Variants in PTPRC observed in about 807,000 individuals in gnomAD.
The protein encoded by PTPRC is protein tyrosine phosphatase receptor type C, also known as receptor-type tyrosine-protein phosphatase C.
PTPRC carries 44 observed loss-of-function variants against 155.9 expected under a neutral mutation model. The observed-to-expected ratio is 0.28, with a 90% CI of 0.22 to 0.36. The LOEUF (loss-of-function observed/expected upper bound fraction) is 0.36. Among genes scored for constraint, PTPRC ranks in the 10% least tolerant of loss-of-function variants. The pLI, the probability that PTPRC is intolerant of heterozygous loss-of-function variation, is 1.00. For synonymous variants in PTPRC, 525 were observed against 533.1 expected (o/e 0.98, Z 0.21); for missense variants, 1,401 against 1,564.6 (o/e 0.90, Z 1.76).
At chr1:198,749,068 C>T (rs551358520) in intron 27 of PTPRC, among the ~76,000 whole-genome samples, 87 of 151,538 alleles carry the variant, frequency 5.7e-4, no homozygotes, top group African/African-American at 8.7e-4. Flanking sequence ...AAAAAATCTA[C>T]GCTATGTATT....
At position 198,726,112 on chromosome 1, in the gene PTPRC, T is replaced by C. The variant is rs114103230; in HGVS notation, c.1721-2228T>C. On this transcript the variant is annotated intron_variant, in intron 15 of 32. Transcript: ENST00000442510. Reference sequence around the variant, plus strand: ...TGCTTAATATTTTTGTAGAACTTAATCTAATTATTATGGATTGGAATGCTA... The same window carrying C: ...TGCTTAATATTTTTGTAGAACTTAACCTAATTATTATGGATTGGAATGCTA... 2.6e-3 allele frequency among the ~76,000 whole-genome samples: 396 copies of C among 152,342 alleles called. 2 individuals are homozygous for C. Among genetic ancestry groups the C allele is most frequent in the Middle Eastern group, 6.8e-3 (2 of 294 alleles).
rs751337024 is a variant in PTPRC, at chr1:198,732,280, G to A, written c.1975-20G>A. The A allele has an allele frequency of 6.3e-7, 1 of 1,591,786 alleles. No individual in the cohort carries two copies. The highest frequency in any genetic ancestry group is 1.1e-5 in the South Asian group (1 of 90,530). The stretch of plus-strand genomic sequence containing the variant: ...TTTTCCTGAATCTGCTGTGATCCAA[G>A]AAATCGTTGTTTCTTTCAGAGCATC... On this transcript the variant is annotated intron_variant, in intron 18 of 32. Coordinates refer to ENST00000442510, the MANE Select transcript of PTPRC (RefSeq NM_002838.5).
At chr1:198,749,102 T>A (rs1378683809) in intron 27 of PTPRC, among the ~76,000 whole-genome samples, 2 of 151,702 alleles carry the variant, frequency 1.3e-5, no homozygotes, top group African/African-American at 2.4e-5. Context: ...TCAAGCAGAA[T>A]TATAATAGTC....
intron 11 of PTPRC, among the ~76,000 whole-genome samples, chr1:198,712,257 T>C (rs1212275072): frequency 1.3e-5 from 2 of 152,244 alleles, no homozygotes; most frequent in Non-Finnish European, 2.9e-5. Context: ...GTTTGTTTCA[T>C]TTTATTTACA....
intron 26 of PTPRC, among the ~76,000 whole-genome samples, chr1:198,745,910 G>A (rs569553924): frequency 5.1e-4 from 77 of 151,860 alleles, no homozygotes; most frequent in Non-Finnish European, 8.7e-4. Context: ...GAACATATCA[G>A]AATAAATGAC....
At chr1:198,644,527 A>G (rs114564388) in intron 2 of PTPRC, among the ~76,000 whole-genome samples, 101 of 152,028 alleles carry the variant, frequency 6.6e-4, no homozygotes, top group African/African-American at 2.3e-3. Flanking sequence ...TCCTGTTTGT[A>G]TGTCAGTGTG....
intron 2 of PTPRC, among the ~76,000 whole-genome samples, chr1:198,689,665 A>G (rs1339908262): frequency 6.6e-6 from 1 of 152,162 alleles, no homozygotes; most frequent in Non-Finnish European, 1.5e-5. Context: ...TAAAGCTGTT[A>G]TCATCAGATC....
chr1:198,713,837 CTG>C (rs1019693801), intron 12 of PTPRC, among the ~76,000 whole-genome samples: 17 of 152,164 alleles, frequency 1.1e-4, no homozygotes, highest in Admixed American at 2.0e-4. Flanking sequence ...TTCTGTCACT[CTG>C]TGCTGTGGGG....
Position 198,713,890 on chromosome 1 carries a change from G to T in PTPRC, c.1291+818G>T, listed in dbSNP as rs1653435025. On this transcript the variant is annotated intron_variant, in intron 12 of 32. Transcript: ENST00000442510. The stretch of plus-strand genomic sequence containing the variant: ...CACTTCAAAACTTGAAAAGTGAAAG[G>T]CTATTTTTCTTCATTATGTTATTTT... Among the ~76,000 whole-genome samples the T allele has an allele frequency of 2.6e-5, 4 of 152,180 alleles. No homozygotes were observed. The South Asian group carries it at 8.3e-4, about 32-fold the overall frequency.
chr1:198,753,686 A>ATTGT (rs1365709246), intron 31 of PTPRC, among the ~76,000 whole-genome samples: 1 of 152,028 alleles, frequency 6.6e-6, no homozygotes, highest in African/African-American at 2.4e-5. Context: ...CTGATAACAT[A>ATTGT]TTGTTTAAAT....
chr1:198,755,785 G>GTACTT, intron 32 of PTPRC, 121 bp from the exon 33 acceptor site: 1 of 1,081,546 alleles, frequency 9.2e-7, no homozygotes, highest in Non-Finnish European at 1.4e-6. Context: ...ATATCAAAAA[G>GTACTT]TACTTTTCTG....
chr1:198,698,528 G>C (rs1271275568), intron 4 of PTPRC, among the ~76,000 whole-genome samples: 1 of 151,810 alleles, frequency 6.6e-6, no homozygotes, highest in East Asian at 1.9e-4. Context: ...CCTTTAATCT[G>C]CATTTCTAAG....
intron 2 of PTPRC, among the ~76,000 whole-genome samples, chr1:198,687,311 T>C (rs936418344): frequency 6.6e-6 from 1 of 152,168 alleles, no homozygotes; most frequent in Non-Finnish European, 1.5e-5. Flanking sequence ...AGGTCTTTTT[T>C]TTCTATCAGT....
intron 3 of PTPRC, chr1:198,693,958 T>C: frequency 6.6e-7 from 1 of 1,514,024 alleles, no homozygotes; most frequent in African/African-American, 1.4e-5. Context: ...AGGTTAGATG[T>C]GTATATGAGG....
chr1:198,699,443 A>G, intron 4 of PTPRC, 121 bp from the exon 5 acceptor site: 1 of 1,192,356 alleles, frequency 8.4e-7, no homozygotes. Context: ...ACATTTTAAC[A>G]GATTCAGTTA....
intron 2 of PTPRC, among the ~76,000 whole-genome samples, chr1:198,641,060 A>G (rs1331806691): frequency 6.6e-6 from 1 of 152,050 alleles, no homozygotes; most frequent in Non-Finnish European, 1.5e-5. Context: ...ATAGCAAATA[A>G]ATGGATATAC....
chr1:198,742,139 A>G lies in PTPRC; in HGVS notation c.2562-93A>G, dbSNP rs149664607. ...TTTGGCAATTGCTATTTTGGGAAACAACCTATGGGAGAAGCTTAGATTCTT... is the reference window on the plus strand; with the variant it reads ...TTTGGCAATTGCTATTTTGGGAAACGACCTATGGGAGAAGCTTAGATTCTT... On this transcript the variant is annotated intron_variant, in intron 24 of 32. Coordinates refer to ENST00000442510, the MANE Select transcript of PTPRC (RefSeq NM_002838.5). 1.7e-4 allele frequency: 269 copies of G among 1,603,136 alleles called. 1 individual carries two copies. The African/African-American group carries it at 2.5e-3, about 15-fold the overall frequency.
intron 2 of PTPRC, among the ~76,000 whole-genome samples, chr1:198,642,743 A>T (rs74134764): frequency 0.017 from 2,644 of 151,818 alleles, 76 homozygotes; most frequent in African/African-American, 0.061. Flanking sequence ...TTTTAATGTA[A>T]TCTACAGCTT....
At chr1:198,695,657 C>T (rs540869166) in intron 3 of PTPRC, among the ~76,000 whole-genome samples, 40 of 152,088 alleles carry the variant, frequency 2.6e-4, no homozygotes, top group African/African-American at 9.4e-4. Context: ...AAACTTATTT[C>T]ACTACTACTT....
Sources: gnomAD v4.1 joint callset for allele counts (sites outside exome capture counted in the v4.1 genomes callset) on GRCh38, gnomAD v4.1.1 for gene constraint, MANE v1.5 for transcripts, NCBI Gene and HGNC (gene_info 2026-07-23, HGNC 2026-07-21) for gene names.